CPA4: variants seen among roughly 807,000 people sequenced by gnomAD.
CPA4 encodes carboxypeptidase A3.
In CPA4, 49 loss-of-function variants were observed where a neutral mutation model predicts 54.7. The observed-to-expected ratio is 0.90, with a 90% CI of 0.71 to 1.14. The LOEUF is 1.14. Ranked by LOEUF, CPA4 falls within the 50% of genes most tolerant of loss-of-function variation. The pLI is 0.00. For synonymous variants in CPA4, 215 were observed against 206.8 expected (o/e 1.04, Z -0.34); for missense variants, 487 against 525.1 (o/e 0.93, Z 0.71).
intron 2 of CPA4, 35 bp downstream of exon 2, chr7:130,298,862 C>T (rs757299668): frequency 1.5e-5 from 19 of 1,267,436 alleles, no homozygotes; most frequent in Non-Finnish European, 2.2e-5. Flanking sequence ...TGAGTGTTTT[C>T]TAACTTTGCT....
At position 130,304,570 on chromosome 7, in the gene CPA4, T is replaced by G. The variant is rs1374513259; in HGVS notation, c.477T>G (p.Tyr159Ter). 1.9e-6 allele frequency: 3 copies of G among 1,605,754 alleles called. No individual in the cohort carries two copies. The highest frequency in any genetic ancestry group is 2.6e-6 in the Non-Finnish European group (3 of 1,172,466). The change falls in exon 5 of 11, where the codon TAT becomes TAG. Residue 159 changes from tyrosine (Y) to a stop codon, truncating the protein, a stop_gained. Coordinates refer to ENST00000222482, the MANE Select transcript of CPA4 (RefSeq NM_016352.4). LOFTEE classifies it high-confidence loss of function. The stretch of plus-strand genomic sequence containing the variant: ...ATTCGTTTGAAAACCGGCCGATGTA[T>G]GTACTGAAGGTGAGGCCACATGCAC... ...IGHSFENRPM[Y>*]VLKFSTGKGV...
At chr7:130,302,801 T>C (rs1793760378) in intron 4 of CPA4, among the ~76,000 whole-genome samples, 1 of 152,286 alleles carries the variant, frequency 6.6e-6, no homozygotes, top group African/African-American at 2.4e-5. Context: ...AAATTGCCCA[T>C]TCCTAGCTCT....
Position 130,322,556 on chromosome 7 carries a change from G to A in CPA4, c.1146G>A (p.Glu382=), listed in dbSNP as rs375736595. Residue 382 remains glutamate (E), a synonymous_variant, in exon 11 of 11, where the codon GAG becomes GAA. Transcript: ENST00000222482. ...GCATCAAATTTGCATTCACATTTGAGTTGAGAGATACCGGGACCTATGGCT... is the reference window on the plus strand; with the variant it reads ...GCATCAAATTTGCATTCACATTTGAATTGAGAGATACCGGGACCTATGGCT... The part of the protein sequence containing the change: ...DNGIKFAFTF[E]LRDTGTYGFL... 3.9e-5 allele frequency: 63 copies of A among 1,614,056 alleles called. No homozygotes were observed. The highest frequency in any genetic ancestry group is 5.2e-5 in the Non-Finnish European group (61 of 1,180,016).
intron 4 of CPA4, among the ~76,000 whole-genome samples, chr7:130,302,792 A>G (rs1584747160): frequency 6.6e-6 from 1 of 152,028 alleles, no homozygotes; most frequent in Non-Finnish European, 1.5e-5. Context: ...TTGTGGCCCA[A>G]ATTGCCCATT....
chr7:130,300,801 G>T lies in CPA4; in HGVS notation c.286-15G>T, dbSNP rs1793728551. 1 of 1,577,260 alleles carries T rather than the reference G, an allele frequency of 6.3e-7. No homozygotes were observed. Among genetic ancestry groups the T allele is most frequent in the Admixed American group, 1.7e-5 (1 of 59,974 alleles). ...CTGCAATGGATCACTTCACAACATTGCTGTGTGTTTTCAGGCCCTTTTAGA... is the reference window on the plus strand; with the variant it reads ...CTGCAATGGATCACTTCACAACATTTCTGTGTGTTTTCAGGCCCTTTTAGA... On this transcript the variant is annotated splice_polypyrimidine_tract_variant and intron_variant, in intron 3 of 10. Transcript: ENST00000222482.
At position 130,295,743 on chromosome 7, in the gene CPA4, G is replaced by C. The variant is rs533334052; in HGVS notation, c.68+2495G>C. Among the ~76,000 whole-genome samples the C allele has an allele frequency of 1.1e-4, 17 of 152,300 alleles. 1 individual carries two copies. The South Asian group carries it at 3.5e-3, about 32-fold the overall frequency. ...ACCTGTAATCCCAGCACTTTGGGAG[G>C]CTGAGGCAGGTGGATCACCTGAGGT... On this transcript the variant is annotated intron_variant, in intron 1 of 10. Transcript: ENST00000222482.
chr7:130,300,784 G>C, intron 3 of CPA4, 32 bp from the exon 4 acceptor site: 2 of 1,467,208 alleles, frequency 1.4e-6, no homozygotes. Flanking sequence ...GTCTGCAATG[G>C]ATCACTTCAC....
intron 4 of CPA4, among the ~76,000 whole-genome samples, chr7:130,301,582 T>A (rs1489184941): frequency 2.6e-5 from 4 of 152,140 alleles, no homozygotes; most frequent in Non-Finnish European, 5.9e-5. Flanking sequence ...GACAACTAGC[T>A]CAGGATCACT....
rs144518631 is a variant in CPA4, at chr7:130,300,874, G to A, written c.344G>A (p.Ser115Asn). 3.1e-6 allele frequency: 5 copies of A among 1,613,774 alleles called. No individual in the cohort carries two copies. In the African/African-American group the frequency reaches 5.3e-5, roughly 17 times the overall value. Residue 115 changes from serine (S) to asparagine (N), a missense_variant, in exon 4 of 11, where the codon AGT becomes AAT. Physicochemically the swap from Ser to Asn is conservative, Grantham distance 46 (BLOSUM62 1). Transcript: ENST00000222482. ...MQHNEGQERS[S>N]NNFNYGAYHS... ...CACAATGAAGGGCAAGAACGGAGCA[G>A]TAATAACTTCAACTACGGGGCTTAC...
chr7:130,307,117 C>T (rs889854059), intron 7 of CPA4, among the ~76,000 whole-genome samples: 3 of 152,176 alleles, frequency 2.0e-5, no homozygotes, highest in Non-Finnish European at 4.4e-5. Context: ...CAATGACCAA[C>T]ATTTTACAAA....
intron 10 of CPA4, among the ~76,000 whole-genome samples, chr7:130,315,981 G>A (rs1388591764): frequency 1.3e-5 from 2 of 152,112 alleles, no homozygotes; most frequent in African/African-American, 4.8e-5. Context: ...AGGGTTAGGT[G>A]GGACTAATTT....
chr7:130,303,801 T>G (rs534529266), intron 4 of CPA4, among the ~76,000 whole-genome samples: 3 of 151,650 alleles, frequency 2.0e-5, no homozygotes, highest in Non-Finnish European at 4.4e-5. Flanking sequence ...CCTATTTTTT[T>G]TTTTTTTGTT....
chr7:130,296,219 C>T (rs910939571), intron 1 of CPA4, among the ~76,000 whole-genome samples: 3 of 152,092 alleles, frequency 2.0e-5, no homozygotes, highest in African/African-American at 7.2e-5. Context: ...GGGCTGGGTC[C>T]GAGATGGGGC....
chr7:130,300,659 G>A (rs1793725804), intron 3 of CPA4, among the ~76,000 whole-genome samples, 157 bp from the exon 4 acceptor site: 1 of 152,046 alleles, frequency 6.6e-6, no homozygotes, highest in African/African-American at 2.4e-5. Context: ...ATAAAGATAT[G>A]AAAGAAATCT....
At chr7:130,308,482 C>T (rs1793861362) in intron 8 of CPA4, 85 bp downstream of exon 8, 10 of 1,076,306 alleles carry the variant, frequency 9.3e-6, no homozygotes, top group African/African-American at 4.7e-5. Flanking sequence ...CGGGACGGAG[C>T]GCGTTTCCAC....
In CPA4 at chr7:130,304,531, G is replaced by C; in HGVS notation, c.438G>C (p.Arg146Ser). ...IAADFPDLAR[R>S]VKIGHSFENR... The stretch of plus-strand genomic sequence containing the variant: ...CAGACTTTCCTGACCTGGCGAGGAG[G>C]GTGAAGATTGGACATTCGTTTGAAA... The change falls in exon 5 of 11, where the codon AGG becomes AGC. Residue 146 changes from arginine (R) to serine (S), a missense_variant. Arg to Ser is a moderately radical substitution (Grantham distance 110, BLOSUM62 -1). Transcript: ENST00000222482. 3 of 1,613,814 alleles carry C rather than the reference G, an allele frequency of 1.9e-6. No homozygotes were observed. The highest frequency in any genetic ancestry group is 2.5e-6 in the Non-Finnish European group (3 of 1,179,696).
In CPA4 at chr7:130,310,761, G is replaced by A; in HGVS notation, c.794-26G>A. The stretch of plus-strand genomic sequence containing the variant: ...CTGTGTTCTTGGACTATGAGTTAAT[G>A]TTTGTTCTTGGGCTATCCCCAACAG... On this transcript the variant is annotated intron_variant, in intron 8 of 10. Coordinates refer to ENST00000222482, the MANE Select transcript of CPA4 (RefSeq NM_016352.4). This position sits in a 1 kb window ranked among gnomAD's most constrained non-coding sequence, Gnocchi z 4.3. 6.2e-7 allele frequency: 1 copy of A among 1,606,942 alleles called. No individual in the cohort carries two copies. Among genetic ancestry groups the A allele is most frequent in the Non-Finnish European group, 8.5e-7 (1 of 1,173,544 alleles).
At chr7:130,304,897 T>C (rs969726638) in intron 5 of CPA4, among the ~76,000 whole-genome samples, 4 of 152,082 alleles carry the variant, frequency 2.6e-5, no homozygotes, top group African/African-American at 9.7e-5. Flanking sequence ...GCAGGACAGG[T>C]TGGGGTGGGC....
At chr7:130,308,723 A>ATTTTTTTGTTTTTTTT (rs199996063) in intron 8 of CPA4, among the ~76,000 whole-genome samples, 1,945 of 145,114 alleles carry the variant, frequency 0.013, 50 homozygotes, top group African/African-American at 0.05. Context: ...ACGCCCGGCT[A>ATTTTTTTGTTTTTTTT]TTTTTTTTCA....
Sources: gnomAD v4.1 joint callset for allele counts (sites outside exome capture counted in the v4.1 genomes callset) on GRCh38, gnomAD v4.1.1 for gene constraint, Gnocchi (gnomAD v3.1) non-coding constraint, MANE v1.5 for transcripts, NCBI Gene and HGNC (gene_info 2026-07-23, HGNC 2026-07-21) for gene names.